The following PPP1R12B variants were observed in gnomAD, a reference collection of about 807,000 sequenced individuals.
PPP1R12B encodes protein phosphatase 1 regulatory subunit 12B.
In PPP1R12B, 76 loss-of-function variants were observed where a neutral mutation model predicts 126.1. The observed-to-expected ratio is 0.60, with a 90% CI of 0.50 to 0.73. The LOEUF is 0.73. Among genes scored for constraint, PPP1R12B ranks in the 30% least tolerant of loss-of-function variants. The probability of loss-of-function intolerance (pLI) is 0.00; values close to 1 mark genes in which losing one functional copy is unlikely to be tolerated. For synonymous variants in PPP1R12B, 356 were observed against 434.7 expected (o/e 0.82, Z 2.25); for missense variants, 1,052 against 1,205.1 (o/e 0.87, Z 1.88).
intron 9 of PPP1R12B, among the ~76,000 whole-genome samples, chr1:202,436,498 T>C (rs1266019209): frequency 6.6e-6 from 1 of 152,162 alleles, no homozygotes; most frequent in African/African-American, 2.4e-5. Context: ...TTATTTTCGC[T>C]GTATCAGGCA....
intron 13 of PPP1R12B, among the ~76,000 whole-genome samples, chr1:202,453,146 T>C (rs1572099384): frequency 2.0e-5 from 3 of 152,346 alleles, no homozygotes; most frequent in Admixed American, 2.0e-4. Flanking sequence ...TGTGTTGAAG[T>C]ATGTTCCTTC....
At chr1:202,438,870 A>G in intron 10 of PPP1R12B, 2 of 1,293,328 alleles carry the variant, frequency 1.5e-6, no homozygotes, top group South Asian at 1.2e-5. Context: ...CTACTGCTAT[A>G]GCCCCCAGGG....
chr1:202,412,837 T>C (rs1324830014), intron 1 of PPP1R12B, among the ~76,000 whole-genome samples: 4 of 152,174 alleles, frequency 2.6e-5, no homozygotes, highest in Admixed American at 1.3e-4. Context: ...AAAATAAAAA[T>C]GTTGATTTAC....
Position 202,349,026 on chromosome 1 carries a change from G to C in PPP1R12B, c.175G>C (p.Gly59Arg), listed in dbSNP as rs772284075. Residue 59 changes from glycine to arginine, a missense_variant, in exon 1 of 24, where the codon GGT (glycine) becomes CGT (arginine). Transcript: ENST00000608999. ...RGSPRVRFED[G>R]AVFLAACSSG... is the part of the protein sequence containing the mutation. ...GAGCCCCAGGGTCCGCTTCGAGGACGGTGCTGTCTTTCTGGCCGCCTGCTC... is the reference window on the plus strand; with the variant it reads ...GAGCCCCAGGGTCCGCTTCGAGGACCGTGCTGTCTTTCTGGCCGCCTGCTC... 6.2e-7 allele frequency: 1 copy of C among 1,612,442 alleles called. No individual in the cohort carries two copies. Among genetic ancestry groups the C allele is most frequent in the East Asian group, 2.2e-5 (1 of 44,830 alleles).
At chr1:202,401,233 A>G (rs936247994) in intron 1 of PPP1R12B, among the ~76,000 whole-genome samples, 18 of 151,530 alleles carry the variant, frequency 1.2e-4, no homozygotes, top group African/African-American at 4.1e-4. Flanking sequence ...TCTGGCACCT[A>G]CGCTGGAGTA....
intron 13 of PPP1R12B, among the ~76,000 whole-genome samples, chr1:202,462,406 C>G (rs1422679809): frequency 6.6e-6 from 1 of 152,150 alleles, no homozygotes; most frequent in Non-Finnish European, 1.5e-5. Flanking sequence ...CTCAGCCCAC[C>G]ACTTAACAGT....
At chr1:202,468,338 T>C (rs1381543743) in intron 13 of PPP1R12B, among the ~76,000 whole-genome samples, 1 of 152,204 alleles carries the variant, frequency 6.6e-6, no homozygotes, top group Non-Finnish European at 1.5e-5. Context: ...GGTTTTCTTC[T>C]AGGGTTTTTA....
chr1:202,519,475 T>C (rs2148911919), intron 18 of PPP1R12B, among the ~76,000 whole-genome samples: 1 of 152,246 alleles, frequency 6.6e-6, no homozygotes, highest in East Asian at 1.9e-4. Context: ...TTTTGCTATG[T>C]TGGCCAGGCT....
At chr1:202,408,468 T>TAGTAACTGGGC (rs1252293377) in intron 1 of PPP1R12B, among the ~76,000 whole-genome samples, 3 of 152,200 alleles carry the variant, frequency 2.0e-5, no homozygotes, top group African/African-American at 7.2e-5. Context: ...GCTGTGATTT[T>TAGTAACTGGGC]CAGTTACTAG....
intron 13 of PPP1R12B, among the ~76,000 whole-genome samples, chr1:202,471,345 CTT>C (rs571223772): frequency 2.1e-5 from 3 of 143,772 alleles, no homozygotes; most frequent in Admixed American, 7.0e-5. Flanking sequence ...GTATTTAGGT[CTT>C]TTTTTTTTTT....
chr1:202,418,592 A>G (rs1358768751), intron 2 of PPP1R12B, among the ~76,000 whole-genome samples: 1 of 152,208 alleles, frequency 6.6e-6, no homozygotes, highest in Non-Finnish European at 1.5e-5. Context: ...AATGAAATAA[A>G]TCTGTGAGAG....
At chr1:202,540,146 T>C (rs752309354) in intron 18 of PPP1R12B, 17 of 1,608,120 alleles carry the variant, frequency 1.1e-5, no homozygotes, top group East Asian at 2.2e-5. Context: ...AACCATGTCC[T>C]CTTTATATAC....
At chr1:202,451,382 A>T (rs1438570107) in intron 13 of PPP1R12B, among the ~76,000 whole-genome samples, 1 of 148,088 alleles carries the variant, frequency 6.8e-6, no homozygotes, top group Non-Finnish European at 1.5e-5. Context: ...CTTAACGAGC[A>T]TGCTGCCTTC....
rs138240218 is a variant in PPP1R12B at position 202,355,306 on chromosome 1, A to G, written c.291+6164A>G. 6.2e-4 allele frequency among the ~76,000 whole-genome samples: 94 copies of G among 152,314 alleles called. No homozygotes were observed. In the South Asian group the frequency reaches 0.011, roughly 18 times the overall value. On this transcript the variant is annotated intron_variant, in intron 1 of 23. Coordinates refer to ENST00000608999, the MANE Select transcript of PPP1R12B (RefSeq NM_002481.4). ...AGATTGTAAGTCTGTACTAGAGTAT[A>G]TATGTGGTATAATTTCTGCCCTCAA...
intron 18 of PPP1R12B, among the ~76,000 whole-genome samples, chr1:202,547,161 T>G (rs1056005463): frequency 8.5e-5 from 13 of 152,260 alleles, no homozygotes; most frequent in Non-Finnish European, 1.6e-4. Context: ...CAAGGGATTA[T>G]TTTTTAAAGT....
intron 13 of PPP1R12B, among the ~76,000 whole-genome samples, chr1:202,463,548 A>G (rs1414260501): frequency 6.6e-6 from 1 of 152,174 alleles, no homozygotes; most frequent in African/African-American, 2.4e-5. Flanking sequence ...AAGCTCATTT[A>G]CATAGGTGAA....
chr1:202,546,933 AT>A (rs769490561), intron 18 of PPP1R12B, among the ~76,000 whole-genome samples: 16 of 152,184 alleles, frequency 1.1e-4, no homozygotes, highest in African/African-American at 3.9e-4. Context: ...TTCCTATTCC[AT>A]CACCACTGGA....
chr1:202,430,265 G>A (rs1571975824), intron 6 of PPP1R12B, among the ~76,000 whole-genome samples: 1 of 152,216 alleles, frequency 6.6e-6, no homozygotes, highest in East Asian at 1.9e-4. Context: ...TTTGCCCTCT[G>A]CATAACTTTG....
chr1:202,349,908 A>G (rs1655631758), intron 1 of PPP1R12B, among the ~76,000 whole-genome samples: 1 of 152,082 alleles, frequency 6.6e-6, no homozygotes, highest in African/African-American at 2.4e-5. Context: ...TGTGCTTGGT[A>G]ACGACACCTT....
Sources: allele counts gnomAD v4.1 joint callset (sites outside exome capture counted in the v4.1 genomes callset), GRCh38; gene constraint gnomAD v4.1.1; transcripts MANE v1.5; gene names NCBI Gene and HGNC (gene_info 2026-07-23, HGNC 2026-07-21).